WAC: variants seen among roughly 807,000 people sequenced by gnomAD.
The protein encoded by WAC is WW domain-containing adapter protein with coiled-coil.
WAC carries 11 observed loss-of-function variants against 79.6 expected under a neutral mutation model. The ratio of observed to expected loss-of-function variants is 0.14; its 90% CI spans 0.09 to 0.23. The LOEUF (loss-of-function observed/expected upper bound fraction) is 0.23. WAC is among the 10% of genes least tolerant of loss of function. The pLI is 1.00. For synonymous variants in WAC, 304 were observed against 276.9 expected (o/e 1.10, Z -0.97); for missense variants, 728 against 773.5 (o/e 0.94, Z 0.70).
At chr10:28,597,500 A>G (rs983701644) in intron 7 of WAC, among the ~76,000 whole-genome samples, 5 of 152,092 alleles carry the variant, frequency 3.3e-5, no homozygotes, top group African/African-American at 1.2e-4. Context: ...CTGTGATACT[A>G]CACTCCTTCA....
At chr10:28,596,358 T>A (rs1288632394) in intron 7 of WAC, among the ~76,000 whole-genome samples, 2 of 152,220 alleles carry the variant, frequency 1.3e-5, no homozygotes, top group Non-Finnish European at 2.9e-5. Context: ...GATCATTGTC[T>A]TGACAGTTTA....
intron 6 of WAC, among the ~76,000 whole-genome samples, chr10:28,592,629 AG>A (rs1198542883): frequency 5.3e-5 from 8 of 152,140 alleles, no homozygotes; most frequent in African/African-American, 1.9e-4. Flanking sequence ...TCCAAAAAAA[AG>A]AAAAAAGAAA....
intron 3 of WAC, among the ~76,000 whole-genome samples, chr10:28,578,671 ATGAATTTTTTT>A (rs1217597621): frequency 2.6e-5 from 4 of 151,962 alleles, no homozygotes; most frequent in African/African-American, 9.7e-5. Flanking sequence ...GTATGTTTTG[ATGAATTTTTTT>A]TGGACCATTT....
chr10:28,578,436 G>C (rs895774300), intron 3 of WAC, among the ~76,000 whole-genome samples: 1 of 152,074 alleles, frequency 6.6e-6, no homozygotes, highest in South Asian at 2.1e-4. Context: ...AAATTCTGGC[G>C]GTTGTCAGGG....
At chr10:28,607,248 A>C (rs1369645924) in intron 7 of WAC, among the ~76,000 whole-genome samples, 1 of 152,170 alleles carries the variant, frequency 6.6e-6, no homozygotes, top group Non-Finnish European at 1.5e-5. Flanking sequence ...AGTTTTAAAG[A>C]CTTAAATACC....
At chr10:28,548,600 T>TA (rs1837493613) in intron 3 of WAC, among the ~76,000 whole-genome samples, 1 of 152,202 alleles carries the variant, frequency 6.6e-6, no homozygotes, top group Non-Finnish European at 1.5e-5. Context: ...TTACTAGAAA[T>TA]ACTCTTGAGA....
intron 3 of WAC, among the ~76,000 whole-genome samples, chr10:28,568,001 G>A (rs189747678): frequency 1.6e-3 from 244 of 152,300 alleles, no homozygotes; most frequent in Admixed American, 4.8e-3. Context: ...GCCTCCCAAA[G>A]CACTGGGATT....
chr10:28,575,165 T>G (rs987246936), intron 3 of WAC, among the ~76,000 whole-genome samples: 1 of 152,190 alleles, frequency 6.6e-6, no homozygotes, highest in African/African-American at 2.4e-5. Context: ...TTGGGTATAT[T>G]GAGTGATGCT....
Position 28,622,503 on chromosome 10 carries a change from T to C in WAC, c.*2897T>C, listed in dbSNP as rs931043095. 2.1e-5 allele frequency: 3 copies of C among 141,196 alleles called. No homozygotes were observed. Among genetic ancestry groups the C allele is most frequent in the African/African-American group, 8.0e-5 (3 of 37,730 alleles). The allele number at this position is 141,196 out of a possible 1,614,324, so 8.7% of individuals were successfully genotyped here. ...TTAAAATGTCGTGGTATTGTAACAA[T>C]ATATTTGATGAAAGAAGGTTACAGA... On this transcript the variant is annotated 3_prime_UTR_variant, in exon 14 of 14. Transcript: ENST00000354911.
At chr10:28,608,994 C>G (rs996797163) in intron 8 of WAC, among the ~76,000 whole-genome samples, 7 of 152,054 alleles carry the variant, frequency 4.6e-5, no homozygotes, top group Non-Finnish European at 1.0e-4. Flanking sequence ...ACTTACGTTT[C>G]AGAATATTTA....
chr10:28,541,424 T>G (rs1318317814), intron 3 of WAC, among the ~76,000 whole-genome samples: 6 of 136,948 alleles, frequency 4.4e-5, no homozygotes, highest in African/African-American at 1.6e-4. Flanking sequence ...TGTTTTGTTT[T>G]TTTTTTTTTT....
At chr10:28,548,869 C>A (rs993067190) in intron 3 of WAC, among the ~76,000 whole-genome samples, 1 of 152,038 alleles carries the variant, frequency 6.6e-6, no homozygotes, top group Non-Finnish European at 1.5e-5. Flanking sequence ...AGCTAAGAAA[C>A]TCAATTTTTG....
Position 28,608,262 on chromosome 10 carries a change from C to G in WAC, c.996C>G (p.Pro332=), listed in dbSNP as rs768226243. ...CGTCTTCTGCCTCTGGACTGAACCC[C>G]ACATCTGCACCTCCAACATCTGCTT... ...PSTSSASGLN[P]TSAPPTSASA... Residue 332 remains proline (P), a synonymous_variant, in exon 8 of 14, where the codon CCC becomes CCG. Coordinates refer to ENST00000354911, the MANE Select transcript of WAC (RefSeq NM_016628.5). 1.2e-6 allele frequency: 2 copies of G among 1,614,176 alleles called. No individual in the cohort carries two copies. Among genetic ancestry groups the G allele is most frequent in the East Asian group, 2.2e-5 (1 of 44,886 alleles).
chr10:28,604,148 A>G (rs1840808539), intron 7 of WAC, among the ~76,000 whole-genome samples: 1 of 151,190 alleles, frequency 6.6e-6, no homozygotes, highest in South Asian at 2.1e-4. Context: ...ACTTAGCTTT[A>G]TGAATATAGC....
In WAC at chr10:28,614,578, A is replaced by G. The variant is rs1841395915; in HGVS notation, c.1449A>G (p.Pro483=). The change falls in exon 11 of 14, where the codon CCA becomes CCG. Residue 483 remains proline, a synonymous_variant. Transcript: ENST00000354911. ...TTTTGACATTTCAGGTTAGTACTCC[A>G]GTAGTTAAGCAAGGACCAGTGTCAC... ...PVSSQPKVST[P]VVKQGPVSQS... 1 of 1,613,934 alleles carries G rather than the reference A, an allele frequency of 6.2e-7. No individual in the cohort carries two copies. The highest frequency in any genetic ancestry group is 8.5e-7 in the Non-Finnish European group (1 of 1,179,922).
intron 3 of WAC, among the ~76,000 whole-genome samples, chr10:28,581,554 GT>G (rs1839537040): frequency 6.6e-6 from 1 of 151,740 alleles, no homozygotes; most frequent in Non-Finnish European, 1.5e-5. Flanking sequence ...TTGTTTGTTT[GT>G]TTGTTTGTTT....
rs557850732 is a variant in WAC, at chr10:28,605,725, C to T, written c.920-2461C>T. On this transcript the variant is annotated intron_variant, in intron 7 of 13. Coordinates refer to ENST00000354911, the MANE Select transcript of WAC (RefSeq NM_016628.5). The stretch of plus-strand genomic sequence containing the variant: ...GAGCAACACTGAAGGATTTTTAAGC[C>T]CTTCTGCTAATTTTCATGTCTCGTA... Among the ~76,000 whole-genome samples, 53 of 152,030 alleles carry T rather than the reference C, an allele frequency of 3.5e-4. No homozygotes were observed. The East Asian group carries it at 6.8e-3, about 19-fold the overall frequency.
At chr10:28,599,319 T>C (rs1320436881) in intron 7 of WAC, among the ~76,000 whole-genome samples, 1 of 152,208 alleles carries the variant, frequency 6.6e-6, no homozygotes, top group Non-Finnish European at 1.5e-5. Context: ...TGTCAGTGGT[T>C]GATGCTGTGT....
chr10:28,604,413 C>T (rs912372772), intron 7 of WAC, among the ~76,000 whole-genome samples: 1 of 151,990 alleles, frequency 6.6e-6, no homozygotes, highest in African/African-American at 2.4e-5. Flanking sequence ...GTGCCGAGTC[C>T]TGTTTTCTAC....
Sources: allele counts gnomAD v4.1 joint callset (sites outside exome capture counted in the v4.1 genomes callset), GRCh38; gene constraint gnomAD v4.1.1; transcripts MANE v1.5; gene names NCBI Gene and HGNC (gene_info 2026-07-23, HGNC 2026-07-21).